ITPR2: variants seen among roughly 807,000 people sequenced by gnomAD.
ITPR2 encodes the protein inositol 1,4,5-trisphosphate-gated calcium channel ITPR2.
Under a neutral mutation model 317.1 loss-of-function variants are expected in ITPR2, and 207 were observed. That is an observed-to-expected ratio of 0.65 (90% confidence interval 0.58 to 0.73). The LOEUF (loss-of-function observed/expected upper bound fraction) is 0.73. Ranked by LOEUF, ITPR2 falls within the 30% of genes least tolerant of loss-of-function variation. ITPR2 has a pLI of 0.00. For missense variants in ITPR2, 2,613 were observed against 3,284.0 expected, an observed-to-expected ratio of 0.80 and a Z score of 4.99; for synonymous variants, 1,156 against 1,149.1, an observed-to-expected ratio of 1.01 and a Z score of -0.12.
intron 37 of ITPR2, among the ~76,000 whole-genome samples, chr12:26,539,901 C>T (rs1944210316): frequency 6.6e-6 from 1 of 152,204 alleles, no homozygotes; most frequent in South Asian, 2.1e-4. Context: ...GGTCAATGTG[C>T]TGCATTGCAG....
At chr12:26,438,006 T>A (rs1941399489) in intron 47 of ITPR2, among the ~76,000 whole-genome samples, 1 of 152,134 alleles carries the variant, frequency 6.6e-6, no homozygotes, top group African/African-American at 2.4e-5. Context: ...TTTCACTGCG[T>A]TAGCCAGGAT....
chr12:26,359,655 G>A (rs1388913902), intron 55 of ITPR2, among the ~76,000 whole-genome samples: 2 of 152,276 alleles, frequency 1.3e-5, no homozygotes, highest in Admixed American at 1.3e-4. Flanking sequence ...GATGGCAGGG[G>A]GTCAGGGTGG....
intron 2 of ITPR2, among the ~76,000 whole-genome samples, chr12:26,745,241 A>G (rs1209351457): frequency 6.6e-6 from 1 of 152,202 alleles, no homozygotes; most frequent in Non-Finnish European, 1.5e-5. Context: ...AAACACAGAC[A>G]TACAGCAGAT....
At chr12:26,784,589 C>G (rs1950175862) in intron 2 of ITPR2, among the ~76,000 whole-genome samples, 1 of 151,816 alleles carries the variant, frequency 6.6e-6, no homozygotes, top group Non-Finnish European at 1.5e-5. Context: ...AGTGATCCGC[C>G]AGCCTCGGCC....
intron 39 of ITPR2, among the ~76,000 whole-genome samples, chr12:26,490,371 C>T (rs1236245437): frequency 6.6e-6 from 1 of 152,248 alleles, no homozygotes; most frequent in African/African-American, 2.4e-5. Flanking sequence ...ACCATTCATT[C>T]ACAGAACCAT....
chr12:26,454,433 C>A (rs1017604026), intron 45 of ITPR2, among the ~76,000 whole-genome samples: 1 of 152,118 alleles, frequency 6.6e-6, no homozygotes, highest in Non-Finnish European at 1.5e-5. Flanking sequence ...CTCGAGATCT[C>A]TTGACCTTGT....
intron 2 of ITPR2, among the ~76,000 whole-genome samples, chr12:26,760,601 T>A (rs1949613686): frequency 6.6e-6 from 1 of 152,162 alleles, no homozygotes; most frequent in African/African-American, 2.4e-5. Context: ...CCCTTGTCTA[T>A]AACAAATGAA....
intron 51 of ITPR2, among the ~76,000 whole-genome samples, chr12:26,413,546 T>C (rs1940620901): frequency 6.6e-6 from 1 of 152,208 alleles, no homozygotes; most frequent in South Asian, 2.1e-4. Flanking sequence ...AAATGAAATT[T>C]GAAATATTAT....
intron 33 of ITPR2, 93 bp from the exon 34 acceptor site, chr12:26,578,926 T>A: frequency 8.1e-7 from 1 of 1,235,192 alleles, no homozygotes; most frequent in Non-Finnish European, 1.1e-6. Context: ...TTCATCAAAA[T>A]AAAATAAAAT....
At chr12:26,650,492 C>T (rs1355862790) in intron 21 of ITPR2, among the ~76,000 whole-genome samples, 1 of 152,078 alleles carries the variant, frequency 6.6e-6, no homozygotes, top group Non-Finnish European at 1.5e-5. Context: ...AATAAATGTA[C>T]CCCTCTAGTG....
chr12:26,346,829 T>C (rs895476048), intron 55 of ITPR2, among the ~76,000 whole-genome samples: 3 of 152,174 alleles, frequency 2.0e-5, no homozygotes, highest in African/African-American at 7.2e-5. Context: ...CCCAGTTTCC[T>C]TATCTGTAAA....
At chr12:26,591,244 T>C (rs530998316) in intron 32 of ITPR2, among the ~76,000 whole-genome samples, 12 of 151,950 alleles carry the variant, frequency 7.9e-5, no homozygotes, top group Admixed American at 2.6e-4. Flanking sequence ...TAGGAAAAAA[T>C]AGAATAATCC....
chr12:26,719,179 A>C (rs1472154291), intron 5 of ITPR2, among the ~76,000 whole-genome samples: 2 of 152,230 alleles, frequency 1.3e-5, no homozygotes, highest in Admixed American at 6.5e-5. Context: ...GGTCTAAGAA[A>C]TAGTCCCTAT....
intron 37 of ITPR2, among the ~76,000 whole-genome samples, chr12:26,533,559 A>G (rs9668537): frequency 0.57 from 86,047 of 152,108 alleles, 28,290 homozygotes; most frequent in Non-Finnish European, 0.76. Context: ...GAATATAACC[A>G]TATTCAGAAA....
chr12:26,374,179 A>G (rs1178701117), intron 55 of ITPR2, among the ~76,000 whole-genome samples: 5 of 152,236 alleles, frequency 3.3e-5, no homozygotes, highest in Non-Finnish European at 5.9e-5. Context: ...GAAGCTCCCA[A>G]CTTTTGGTTA....
At chr12:26,828,298 C>A (rs1481684103) in intron 1 of ITPR2, among the ~76,000 whole-genome samples, 2 of 152,218 alleles carry the variant, frequency 1.3e-5, no homozygotes, top group Admixed American at 1.3e-4. Flanking sequence ...GCTTTGGTTT[C>A]ATAGCCCTAA....
At chr12:26,368,078 A>G (rs190135795) in intron 55 of ITPR2, among the ~76,000 whole-genome samples, 2 of 152,364 alleles carry the variant, frequency 1.3e-5, no homozygotes, top group Admixed American at 1.3e-4. Flanking sequence ...GGGACTATTT[A>G]AATGAGCAGA....
chr12:26,414,353 A>T (rs1227758690), intron 51 of ITPR2, among the ~76,000 whole-genome samples: 1 of 152,176 alleles, frequency 6.6e-6, no homozygotes, highest in Non-Finnish European at 1.5e-5. Flanking sequence ...TTTAGTAATT[A>T]AGAAATGTTT....
intron 45 of ITPR2, among the ~76,000 whole-genome samples, chr12:26,469,960 G>A (rs1300343000): frequency 6.6e-6 from 1 of 152,154 alleles, no homozygotes; most frequent in African/African-American, 2.4e-5. Context: ...GGAAGAAGTG[G>A]AAATCCAGGG....
Sources: allele counts gnomAD v4.1 joint callset (sites outside exome capture counted in the v4.1 genomes callset), GRCh38; gene constraint gnomAD v4.1.1; transcripts MANE v1.5; gene names NCBI Gene and HGNC (gene_info 2026-07-23, HGNC 2026-07-21).